NFIB: variants seen among roughly 807,000 people sequenced by gnomAD.
NFIB encodes the protein nuclear factor I B, also known as nuclear factor 1 B-type.
A neutral mutation model predicts 61.5 loss-of-function variants in NFIB; 11 were observed. The observed-to-expected ratio is 0.18, with a 90% CI of 0.11 to 0.30. The LOEUF (loss-of-function observed/expected upper bound fraction) is 0.30. Among genes scored for constraint, NFIB ranks in the 10% least tolerant of loss-of-function variants. The pLI is 1.00. For missense variants in NFIB, 471 were observed against 608.9 expected (o/e 0.77, Z 2.38); for synonymous variants, 260 against 216.5 (o/e 1.20, Z -1.76).
At chr9:14,397,406 T>C (rs186291955) in intron 1 of NFIB, among the ~76,000 whole-genome samples, 77 of 152,350 alleles carry the variant, frequency 5.1e-4, no homozygotes, top group African/African-American at 1.8e-3. Flanking sequence ...AATGGAACTT[T>C]AGGTAGCAAA....
the NFIB span, among the ~76,000 whole-genome samples, chr9:14,493,900 G>A: frequency 2.0e-5 from 3 of 152,286 alleles, no homozygotes; most frequent in African/African-American, 7.2e-5. Context: ...AATGGAAGTG[G>A]CAGAATCAGA....
the NFIB span, among the ~76,000 whole-genome samples, chr9:14,437,523 T>C: frequency 2.0e-5 from 3 of 152,234 alleles, no homozygotes; most frequent in Non-Finnish European, 4.4e-5. Context: ...AAAAGTAAGA[T>C]GACTGTTTAC....
chr9:14,451,134 A>G, the NFIB span, among the ~76,000 whole-genome samples: 5 of 152,196 alleles, frequency 3.3e-5, no homozygotes, highest in Admixed American at 3.3e-4. Context: ...TACCAATTTT[A>G]ATGAGTTGAC....
chr9:14,223,043 T>C (rs978027735), intron 2 of NFIB, among the ~76,000 whole-genome samples: 1 of 152,050 alleles, frequency 6.6e-6, no homozygotes, highest in African/African-American at 2.4e-5. Context: ...ACACTAACAC[T>C]AACAATAGCT....
intron 2 of NFIB, among the ~76,000 whole-genome samples, chr9:14,275,074 G>A (rs889859072): frequency 2.0e-5 from 3 of 152,128 alleles, no homozygotes; most frequent in East Asian, 1.9e-4. Flanking sequence ...TCCAGTGGGC[G>A]AACTATCAGT....
At chr9:14,229,087 C>T (rs1242454746) in intron 2 of NFIB, among the ~76,000 whole-genome samples, 1 of 150,978 alleles carries the variant, frequency 6.6e-6, no homozygotes, top group Non-Finnish European at 1.5e-5. Context: ...AAAAGAAGTG[C>T]CCTAAATATC....
At chr9:14,322,252 G>T in intron 1 of NFIB, 1 of 559,756 alleles carries the variant, frequency 1.8e-6, no homozygotes, top group Non-Finnish European at 2.6e-6. Context: ...CCTCTCCCTT[G>T]CAGAAGGCTG....
chr9:14,144,503 C>T (rs867562394), intron 6 of NFIB, among the ~76,000 whole-genome samples: 2 of 152,100 alleles, frequency 1.3e-5, no homozygotes, highest in African/African-American at 4.8e-5. Context: ...TTATATCTTG[C>T]CTTCACTAAT....
At chr9:14,200,544 G>A (rs879519754) in intron 2 of NFIB, among the ~76,000 whole-genome samples, 3 of 152,046 alleles carry the variant, frequency 2.0e-5, no homozygotes, top group Admixed American at 2.0e-4. Flanking sequence ...AACACGACTT[G>A]ACTTTCCCAG....
chr9:14,315,249 C>G (rs1361931378), upstream of NFIB, among the ~76,000 whole-genome samples: 2 of 151,482 alleles, frequency 1.3e-5, no homozygotes, highest in Non-Finnish European at 3.0e-5. Flanking sequence ...ACCAGGGGCC[C>G]GCACCCGAGG....
exon 1 of NFIB, chr9:14,398,844 C>T (rs1018980808): frequency 1.3e-5 from 6 of 471,186 alleles, no homozygotes; most frequent in African/African-American, 1.2e-4. Flanking sequence ...ACAAAGGGGT[C>T]CTGTACACTC....
chr9:14,376,924 G>C (rs1361286992), intron 1 of NFIB, among the ~76,000 whole-genome samples: 1 of 152,144 alleles, frequency 6.6e-6, no homozygotes, highest in East Asian at 1.9e-4. Context: ...CAACTTCACT[G>C]CATGGAAGGT....
chr9:14,325,634 A>G (rs760438560), intron 1 of NFIB, among the ~76,000 whole-genome samples: 67 of 152,234 alleles, frequency 4.4e-4, no homozygotes, highest in Middle Eastern at 3.4e-3. Flanking sequence ...AAAAATAGAG[A>G]AAGTGTGTTT....
chr9:14,473,226 T>C, the NFIB span, among the ~76,000 whole-genome samples: 76,855 of 152,106 alleles, frequency 0.51, 19,675 homozygotes, highest in Middle Eastern at 0.62. Flanking sequence ...GACCCTGGGA[T>C]AATCCCATTG....
At chr9:14,369,348 C>G (rs1198071981) in intron 1 of NFIB, among the ~76,000 whole-genome samples, 2 of 152,222 alleles carry the variant, frequency 1.3e-5, no homozygotes, top group Non-Finnish European at 2.9e-5. Flanking sequence ...ATCTAATTAT[C>G]ATCGGGTTAG....
intron 2 of NFIB, among the ~76,000 whole-genome samples, chr9:14,225,950 ATGATT>A (rs745594686): frequency 9.9e-5 from 15 of 152,234 alleles, no homozygotes; most frequent in Non-Finnish European, 1.6e-4. Flanking sequence ...TCATTGAAAT[ATGATT>A]TAGAACAGTG....
intron 10 of NFIB, among the ~76,000 whole-genome samples, chr9:14,107,465 A>C (rs1376681606): frequency 1.3e-5 from 2 of 152,120 alleles, no homozygotes; most frequent in African/African-American, 4.8e-5. Context: ...TGCATAGTCC[A>C]TGAGCAGAAT....
chr9:14,324,700 A>T (rs2060731742), intron 1 of NFIB, among the ~76,000 whole-genome samples: 1 of 152,134 alleles, frequency 6.6e-6, no homozygotes, highest in Non-Finnish European at 1.5e-5. Flanking sequence ...TAAGCATTTT[A>T]TTTAGTCATA....
In NFIB at chr9:14,237,763, A is replaced by AGTGTGTGT. The variant is rs71321971; in HGVS notation, c.563-57991_563-57984dup. 2.8e-3 allele frequency among the ~76,000 whole-genome samples: 240 copies of AGTGTGTGT among 85,122 alleles called. 22 individuals are homozygous for AGTGTGTGT. The highest frequency in any genetic ancestry group is 7.0e-3 in the Admixed American group (48 of 6,904). The allele number at this position is 85,122 out of a possible 152,430, so 55.8% of individuals were successfully genotyped here. ...AGCTCCTCACCCTGCTAGGTATAAC[A>AGTGTGTGT]GTGTGTGTGTGTGTGTGTGTGTGTG... On this transcript the variant is annotated intron_variant, in intron 2 of 10. Transcript: ENST00000380953.
Sources: gnomAD v4.1 joint callset for allele counts (sites outside exome capture counted in the v4.1 genomes callset) on GRCh38, gnomAD v4.1.1 for gene constraint, MANE v1.5 for transcripts, NCBI Gene and HGNC (gene_info 2026-07-23, HGNC 2026-07-21) for gene names.